Variants in GRIK2 observed in about 807,000 individuals in gnomAD.
The protein encoded by GRIK2 is glutamate receptor ionotropic, kainate 2.
A neutral mutation model predicts 100.3 loss-of-function variants in GRIK2; 32 were observed. The observed-to-expected ratio is 0.32, with a 90% CI of 0.24 to 0.43. GRIK2 has a LOEUF of 0.43. GRIK2 is among the 20% of genes least tolerant of loss of function. GRIK2 has a pLI of 1.00. For synonymous variants in GRIK2, 417 were observed against 389.4 expected (o/e 1.07, Z -0.83); for missense variants, 843 against 1,114.9 (o/e 0.76, Z 3.47).
intron 4 of GRIK2, among the ~76,000 whole-genome samples, chr6:101,651,109 C>T (rs531615362): frequency 1.4e-5 from 2 of 147,158 alleles, no homozygotes; most frequent in Admixed American, 1.4e-4. Context: ...TCACTCTCAT[C>T]TTCACTTTCC....
At chr6:101,865,749 T>A (rs2852623) in intron 11 of GRIK2, among the ~76,000 whole-genome samples, 327 of 151,892 alleles carry the variant, frequency 2.2e-3, no homozygotes, top group Non-Finnish European at 3.3e-3. Flanking sequence ...GTTAGCTGGG[T>A]GTGCTGGTGC....
rs528815641 is a variant in GRIK2 at position 101,950,408 on chromosome 6, A to G, written c.2085+21776A>G. Among the ~76,000 whole-genome samples, 4 of 152,314 alleles carry G rather than the reference A, an allele frequency of 2.6e-5. No homozygotes were observed. In the South Asian group the frequency reaches 8.3e-4, roughly 32 times the overall value. ...TCTACTAAAACTTGAAAGCAGGCCT[A>G]CATGCAAACTTTGTAGTCCAGTTAT... On this transcript the variant is annotated intron_variant, in intron 14 of 16. Coordinates refer to ENST00000369134, the MANE Select transcript of GRIK2 (RefSeq NM_021956.5).
At chr6:101,729,338 A>C (rs1775094140) in intron 7 of GRIK2, among the ~76,000 whole-genome samples, 1 of 151,968 alleles carries the variant, frequency 6.6e-6, no homozygotes, top group Non-Finnish European at 1.5e-5. Flanking sequence ...CTATGCATCT[A>C]CCCACACACA....
At chr6:101,478,833 T>G (rs1352663228) in intron 2 of GRIK2, among the ~76,000 whole-genome samples, 2 of 152,188 alleles carry the variant, frequency 1.3e-5, no homozygotes. Flanking sequence ...TTTAATGAAT[T>G]TAACATCCAT....
intron 7 of GRIK2, among the ~76,000 whole-genome samples, chr6:101,751,634 G>A (rs1052219872): frequency 7.9e-5 from 12 of 152,110 alleles, no homozygotes; most frequent in Non-Finnish European, 1.5e-5. Context: ...TTTTGGAATA[G>A]GGATTCAAAT....
chr6:101,955,010 T>G (rs1433961634), intron 14 of GRIK2, among the ~76,000 whole-genome samples: 2 of 152,170 alleles, frequency 1.3e-5, no homozygotes, highest in Non-Finnish European at 2.9e-5. Flanking sequence ...TTTATTTGTT[T>G]GTGCACTTTA....
intron 2 of GRIK2, among the ~76,000 whole-genome samples, chr6:101,432,066 C>A (rs543383694): frequency 6.6e-5 from 10 of 152,178 alleles, no homozygotes; most frequent in African/African-American, 2.2e-4. Context: ...TAATTAAGAA[C>A]CCTGTGGCTA....
intron 2 of GRIK2, among the ~76,000 whole-genome samples, chr6:101,610,857 T>C (rs888097533): frequency 1.3e-5 from 2 of 151,806 alleles, no homozygotes; most frequent in Admixed American, 1.3e-4. Context: ...CTGTTTATAT[T>C]ATAATTATGT....
In GRIK2 at chr6:102,070,031, T is replaced by A. The variant is rs1275487970; in HGVS notation, c.*1520T>A. 1 of 152,068 alleles carries A rather than the reference T, an allele frequency of 6.6e-6. No homozygotes were observed. Among genetic ancestry groups the A allele is most frequent in the African/African-American group, 2.4e-5 (1 of 41,440 alleles). 9.4% of individuals were successfully genotyped at this position (152,068 alleles called of 1,614,324 possible). A position where few individuals can be genotyped will look rare whatever the true frequency, so the allele number is the denominator to read the frequency against. On this transcript the variant is annotated 3_prime_UTR_variant, in exon 17 of 17. Coordinates refer to ENST00000369134, the MANE Select transcript of GRIK2 (RefSeq NM_021956.5). ...GAGTGCACACAGTTTGCTGTTTGAATCCAATGCACAAAATTAAAAAAAATC... is the reference window on the plus strand; with the variant it reads ...GAGTGCACACAGTTTGCTGTTTGAAACCAATGCACAAAATTAAAAAAAATC...
At chr6:101,502,545 A>T (rs962172921) in intron 2 of GRIK2, among the ~76,000 whole-genome samples, 2 of 152,222 alleles carry the variant, frequency 1.3e-5, no homozygotes, top group Admixed American at 6.5e-5. Flanking sequence ...TACATTATGT[A>T]AAAGTATAAG....
Position 101,978,408 on chromosome 6 carries a change from A to G in GRIK2, c.2085+49776A>G, listed in dbSNP as rs146721240. ...TTATGAAATGACTAAATATAGTAAT[A>G]TAATTGCTATTGAGTTGTCCTTTTC... is the stretch of plus-strand genomic sequence containing the variant. On this transcript the variant is annotated intron_variant, in intron 14 of 16. Transcript: ENST00000369134. Among the ~76,000 whole-genome samples, 818 of 152,102 alleles carry G rather than the reference A, an allele frequency of 5.4e-3. 6 individuals carry two copies. The highest frequency in any genetic ancestry group is 7.2e-3 in the Non-Finnish European group (490 of 67,958).
intron 2 of GRIK2, among the ~76,000 whole-genome samples, chr6:101,591,079 G>T (rs573007684): frequency 5.2e-4 from 79 of 151,932 alleles, no homozygotes; most frequent in African/African-American, 1.7e-3. Flanking sequence ...TTATATATAT[G>T]GCATTTTTCT....
chr6:101,528,044 G>A (rs935379908), intron 2 of GRIK2, among the ~76,000 whole-genome samples: 12 of 152,110 alleles, frequency 7.9e-5, no homozygotes, highest in African/African-American at 2.7e-4. Context: ...TTAGTGTGCT[G>A]TGTGAGTTGC....
At chr6:101,883,944 T>C (rs182139448) in intron 11 of GRIK2, among the ~76,000 whole-genome samples, 1 of 152,268 alleles carries the variant, frequency 6.6e-6, no homozygotes, top group East Asian at 1.9e-4. Context: ...AGTGGTAATC[T>C]GGTATGTGTT....
intron 7 of GRIK2, among the ~76,000 whole-genome samples, chr6:101,790,303 T>C (rs1482374122): frequency 2.0e-5 from 3 of 152,048 alleles, no homozygotes; most frequent in South Asian, 2.1e-4. Flanking sequence ...AAGGGAATGC[T>C]TCCAGTTTTT....
In GRIK2 at chr6:101,672,545, G is replaced by GATTTGATTT. The variant is rs534779231; in HGVS notation, c.542-4077_542-4069dup. On this transcript the variant is annotated intron_variant, in intron 4 of 16. Coordinates refer to ENST00000369134, the MANE Select transcript of GRIK2 (RefSeq NM_021956.5). ...TACATTATCACTACTATCTTCTAAC[G>GATTTGATTT]ATTTGATTTTATTCCTTATTTTTAT... Among the ~76,000 whole-genome samples, 65 of 151,708 alleles carry GATTTGATTT rather than the reference G, an allele frequency of 4.3e-4. No homozygotes were observed. In the South Asian group the frequency reaches 0.014, roughly 32 times the overall value.
chr6:101,514,135 T>C (rs747969450), intron 2 of GRIK2, among the ~76,000 whole-genome samples: 9 of 152,098 alleles, frequency 5.9e-5, no homozygotes, highest in Non-Finnish European at 1.2e-4. Flanking sequence ...GGTAGTTCAA[T>C]TGGGGAAGGA....
At chr6:101,508,000 G>T (rs1485404651) in intron 2 of GRIK2, among the ~76,000 whole-genome samples, 5 of 152,006 alleles carry the variant, frequency 3.3e-5, no homozygotes, top group Admixed American at 3.3e-4. Context: ...CATTGTATAT[G>T]CTTTAAAAGA....
chr6:101,513,696 T>C (rs1774434832), intron 2 of GRIK2, among the ~76,000 whole-genome samples: 2 of 152,124 alleles, frequency 1.3e-5, no homozygotes, highest in African/African-American at 4.8e-5. Context: ...AGGCCATGAC[T>C]CCCCAGACAC....
Sources: allele counts gnomAD v4.1 joint callset (sites outside exome capture counted in the v4.1 genomes callset), GRCh38; gene constraint gnomAD v4.1.1; transcripts MANE v1.5; gene names NCBI Gene and HGNC (gene_info 2026-07-23, HGNC 2026-07-21).